The following RBFOX3 variants were observed in gnomAD, a reference collection of about 807,000 sequenced individuals.
The protein encoded by RBFOX3 is RNA binding protein fox-1 homolog 3.
A neutral mutation model predicts 48.7 loss-of-function variants in RBFOX3; 17 were observed. That is an observed-to-expected ratio of 0.35 (90% confidence interval 0.24 to 0.52). The LOEUF is 0.52. Among genes scored for constraint, RBFOX3 ranks in the 20% least tolerant of loss-of-function variants. The pLI is 0.94. For missense variants in RBFOX3, 382 were observed against 497.5 expected (o/e 0.77, Z 2.21); for synonymous variants, 212 against 209.5 (o/e 1.01, Z -0.10).
the RBFOX3 span, among the ~76,000 whole-genome samples, chr17:79,627,040 T>C: frequency 6.6e-6 from 1 of 152,132 alleles, no homozygotes; most frequent in African/African-American, 2.4e-5. Flanking sequence ...ATGTTACTAA[T>C]AAAATAAGGA....
intron 4 of RBFOX3, among the ~76,000 whole-genome samples, chr17:79,193,235 A>C (rs989698685): frequency 3.9e-5 from 6 of 152,072 alleles, no homozygotes; most frequent in Non-Finnish European, 8.8e-5. Flanking sequence ...CAATGTGGGG[A>C]GATTACGCTC....
At chr17:79,547,070 A>T (rs1482161879) in intron 1 of RBFOX3, among the ~76,000 whole-genome samples, 1 of 152,142 alleles carries the variant, frequency 6.6e-6, no homozygotes, top group Non-Finnish European at 1.5e-5. Flanking sequence ...GGGCTGGACA[A>T]GGAGCCCTAG....
chr17:79,656,659 GA>G, the RBFOX3 span, among the ~76,000 whole-genome samples: 1,114 of 122,484 alleles, frequency 9.1e-3, 32 homozygotes, highest in African/African-American at 0.018. Flanking sequence ...AAGAAAGGAA[GA>G]GAAGAAAGGA....
At chr17:79,349,837 C>A (rs2083558015) in intron 2 of RBFOX3, among the ~76,000 whole-genome samples, 1 of 151,848 alleles carries the variant, frequency 6.6e-6, no homozygotes, top group Non-Finnish European at 1.5e-5. Context: ...CAGCCGTGAT[C>A]ACCAGGACGG....
chr17:79,610,372 G>C lies in RBFOX3; in HGVS notation c.-320+454C>G, dbSNP rs948107567. On this transcript the variant is annotated intron_variant, in intron 1 of 14. Coordinates refer to ENST00000693108, the MANE Select transcript of RBFOX3 (RefSeq NM_001350451.2). ...GCTGCCTGCTCGGACGCGCCCCGCG[G>C]GGCCGGGATCTCCGCGCGCCTCTGC... is the stretch of plus-strand genomic sequence containing the variant. 2.6e-5 allele frequency among the ~76,000 whole-genome samples: 4 copies of C among 151,690 alleles called. No homozygotes were observed. In the East Asian group the frequency reaches 5.9e-4, roughly 22 times the overall value.
intron 2 of RBFOX3, among the ~76,000 whole-genome samples, chr17:79,320,798 T>C (rs1478704831): frequency 6.6e-6 from 1 of 152,168 alleles, no homozygotes; most frequent in East Asian, 1.9e-4. Flanking sequence ...GAACTGCCAC[T>C]GTTTGCAGCA....
chr17:79,525,196 G>A (rs946545095), intron 1 of RBFOX3, among the ~76,000 whole-genome samples: 16,679 of 152,144 alleles, frequency 0.11, 2,760 homozygotes, highest in African/African-American at 0.36. Flanking sequence ...GTGGAGCGGC[G>A]TCTCTGGGCC....
intron 2 of RBFOX3, among the ~76,000 whole-genome samples, chr17:79,459,781 G>A (rs1234444825): frequency 6.6e-6 from 1 of 152,166 alleles, no homozygotes. Context: ...TTAAGAGTGA[G>A]GGGTATGGGA....
rs187756451 is a variant in RBFOX3 at position 79,224,570 on chromosome 17, C to T, written c.-34+11196G>A. The stretch of plus-strand genomic sequence containing the variant: ...AGGGTGAAACTAACATTCCAGGTGG[C>T]CCTGCGGCCCAGGGATCCCCTGAGG... On this transcript the variant is annotated intron_variant, in intron 4 of 14. Transcript: ENST00000693108. Among the ~76,000 whole-genome samples the T allele has an allele frequency of 1.7e-3, 263 of 152,326 alleles. 1 individual carries two copies. The highest frequency in any genetic ancestry group is 6.2e-3 in the African/African-American group (257 of 41,572).
At chr17:79,543,695 G>A (rs111913798) in intron 1 of RBFOX3, among the ~76,000 whole-genome samples, 59 of 152,192 alleles carry the variant, frequency 3.9e-4, no homozygotes, top group African/African-American at 1.4e-3. Context: ...TGCTGGGCAC[G>A]TTCCAACCCC....
intron 4 of RBFOX3, among the ~76,000 whole-genome samples, chr17:79,187,009 C>T (rs997722521): frequency 3.9e-5 from 6 of 152,248 alleles, no homozygotes; most frequent in African/African-American, 1.4e-4. Context: ...GCCAGATGCC[C>T]TGAATCTCTT....
Position 79,350,813 on chromosome 17 carries a change from G to A in RBFOX3, c.-174-42989C>T, listed in dbSNP as rs374762461. On this transcript the variant is annotated intron_variant, in intron 2 of 14. Transcript: ENST00000693108. ...TGGCGTGAGCTGGCATGAATTGCGG[G>A]GAAAGAAGGTCTCTCTGAGCTCAGG... 2.0e-3 allele frequency among the ~76,000 whole-genome samples: 312 copies of A among 152,284 alleles called. 1 individual carries two copies. Among genetic ancestry groups the A allele is most frequent in the African/African-American group, 7.1e-3 (295 of 41,564 alleles).
At chr17:79,096,439 GC>G (rs1457382720) in intron 12 of RBFOX3, among the ~76,000 whole-genome samples, 2 of 152,168 alleles carry the variant, frequency 1.3e-5, no homozygotes, top group Non-Finnish European at 2.9e-5. Context: ...CCCATTAACT[GC>G]TCCCTTGATG....
chr17:79,659,364 G>T, the RBFOX3 span, among the ~76,000 whole-genome samples: 1 of 152,190 alleles, frequency 6.6e-6, no homozygotes, highest in African/African-American at 2.4e-5. Context: ...GTTGTGGATA[G>T]ATAGGGCAGG....
rs2086617746 is a variant in RBFOX3, at chr17:79,362,701, C to T, written c.-174-54877G>A. On this transcript the variant is annotated intron_variant, in intron 2 of 14. Coordinates refer to ENST00000693108, the MANE Select transcript of RBFOX3 (RefSeq NM_001350451.2). The surrounding 1 kb of genome is among the most constrained non-coding windows in gnomAD (Gnocchi z 4.2). ...GCCAGTTACTGGCACCTCATCTCCA[C>T]TGGCTCTGAGCTGCACAGGCTCATT... Among the ~76,000 whole-genome samples, 1 of 152,030 alleles carries T rather than the reference C, an allele frequency of 6.6e-6. No individual in the cohort carries two copies.
rs2059600302 is a variant in RBFOX3 at position 79,220,540 on chromosome 17, C to T, written c.-34+15226G>A. Among the ~76,000 whole-genome samples the T allele has an allele frequency of 6.6e-6, 1 of 152,062 alleles. No homozygotes were observed. The highest frequency in any genetic ancestry group is 1.5e-5 in the Non-Finnish European group (1 of 68,036). On this transcript the variant is annotated intron_variant, in intron 4 of 14. Transcript: ENST00000693108. The surrounding 1 kb of genome is among the most constrained non-coding windows in gnomAD (Gnocchi z 5.9). Reference sequence around the variant, plus strand: ...CACTCCTGCTGCCTGGATCTCTGTTCAGAGTTGAACTACAGCGTCCTGATT... The same window carrying T: ...CACTCCTGCTGCCTGGATCTCTGTTTAGAGTTGAACTACAGCGTCCTGATT...
intron 1 of RBFOX3, among the ~76,000 whole-genome samples, chr17:79,523,139 C>T (rs1440431923): frequency 1.6e-5 from 2 of 128,574 alleles, no homozygotes; most frequent in Non-Finnish European, 3.3e-5. Flanking sequence ...GGTGGGGGGG[C>T]GGGTGGTTTG....
chr17:79,094,499 C>T lies in RBFOX3; in HGVS notation c.1029G>A (p.Pro343=), dbSNP rs373093807. The change falls in exon 14 of 15, where the codon CCG becomes CCA. Residue 343 remains proline, a synonymous_variant. Transcript: ENST00000693108. The stretch of plus-strand genomic sequence containing the variant: ...CCGCGGGCCCGATGGTGTGATGGTA[C>T]GGGTCGGCAGCTGCGTAGACTCTGC... ...SYGRVYAAAD[P]YHHTIGPAAT... is the part of the protein sequence containing the mutation. 7.4e-5 allele frequency: 90 copies of T among 1,224,350 alleles called. No individual in the cohort carries two copies. Among genetic ancestry groups the T allele is most frequent in the East Asian group, 2.6e-4 (3 of 11,350 alleles). The allele number at this position is 1,224,350 out of a possible 1,614,324, so 75.8% of individuals were successfully genotyped here.
intron 5 of RBFOX3, 22 bp from the exon 6 acceptor site, chr17:79,106,810 G>A (rs865974728): frequency 1.3e-6 from 2 of 1,493,702 alleles, no homozygotes; most frequent in Non-Finnish European, 1.8e-6. Flanking sequence ...GGACTGGGCT[G>A]TGGAGGCTGC....
Sources: gnomAD v4.1 joint callset for allele counts (sites outside exome capture counted in the v4.1 genomes callset) on GRCh38, gnomAD v4.1.1 for gene constraint, Gnocchi (gnomAD v3.1) non-coding constraint, MANE v1.5 for transcripts, NCBI Gene and HGNC (gene_info 2026-07-23, HGNC 2026-07-21) for gene names.